The following EFNA5 variants were observed in gnomAD, a reference collection of about 807,000 sequenced individuals.
EFNA5 encodes ephrin-A5.
Under a neutral mutation model 22.9 loss-of-function variants are expected in EFNA5, and 5 were observed. The ratio of observed to expected loss-of-function variants is 0.22; its 90% CI spans 0.11 to 0.46. The LOEUF (loss-of-function observed/expected upper bound fraction) is 0.46. Among genes scored for constraint, EFNA5 ranks in the 20% least tolerant of loss-of-function variants. The pLI is 0.99. For synonymous variants in EFNA5, 113 were observed against 112.2 expected, an observed-to-expected ratio of 1.01 and a Z score of -0.04; for missense variants, 237 against 293.3, an observed-to-expected ratio of 0.81 and a Z score of 1.40.
intron 1 of EFNA5, among the ~76,000 whole-genome samples, chr5:107,569,383 T>TTTTATGTATGTGTATATATATATATA (rs1748727468): frequency 7.2e-6 from 1 of 137,946 alleles, no homozygotes. Flanking sequence ...ATATATATAT[T>TTTTATGTATGTGTATATATATATATA]TTTATGTATA....
chr5:107,482,137 C>T (rs1750483992), intron 1 of EFNA5, among the ~76,000 whole-genome samples: 2 of 151,824 alleles, frequency 1.3e-5, no homozygotes, highest in Non-Finnish European at 2.9e-5. Context: ...TAGGGAAACC[C>T]TTACTAAAAA....
intron 2 of EFNA5, among the ~76,000 whole-genome samples, chr5:107,402,590 G>A (rs1261949630): frequency 6.6e-6 from 1 of 152,172 alleles, no homozygotes; most frequent in African/African-American, 2.4e-5. Flanking sequence ...CTGTTGCCAA[G>A]ATATATGTGC....
At chr5:107,573,712 TAG>T (rs750178959) in intron 1 of EFNA5, among the ~76,000 whole-genome samples, 17 of 152,124 alleles carry the variant, frequency 1.1e-4, no homozygotes, top group Non-Finnish European at 2.2e-4. Context: ...TGCTATGGTT[TAG>T]AGAGTTCAAC....
chr5:107,632,479 C>G (rs1244680594), intron 1 of EFNA5, among the ~76,000 whole-genome samples: 2 of 152,192 alleles, frequency 1.3e-5, no homozygotes, highest in African/African-American at 4.8e-5. Flanking sequence ...AATCCCCCAT[C>G]TTGTCAACTA....
intron 1 of EFNA5, among the ~76,000 whole-genome samples, chr5:107,558,006 T>C (rs931626014): frequency 1.3e-5 from 2 of 152,132 alleles, no homozygotes; most frequent in East Asian, 1.9e-4. Flanking sequence ...GAGGATTAAG[T>C]AATTAAATAT....
At chr5:107,532,296 T>A (rs1747829549) in intron 1 of EFNA5, among the ~76,000 whole-genome samples, 1 of 152,248 alleles carries the variant, frequency 6.6e-6, no homozygotes. Flanking sequence ...GGGAGACATC[T>A]GATAGGTAAA....
In EFNA5 at chr5:107,562,535, T is replaced by C. The variant is rs1056673462; in HGVS notation, c.125+107954A>G. 6.6e-5 allele frequency among the ~76,000 whole-genome samples: 10 copies of C among 152,292 alleles called. No individual in the cohort carries two copies. The South Asian group carries it at 8.3e-4, about 13-fold the overall frequency. Reference sequence around the variant, plus strand: ...TGACTTGAGAATCAAAGTTTGAATATAGTATAATTGGTATGTTCTAGCTTG... The same window carrying C: ...TGACTTGAGAATCAAAGTTTGAATACAGTATAATTGGTATGTTCTAGCTTG... On this transcript the variant is annotated intron_variant, in intron 1 of 4. Transcript: ENST00000333274.
rs1184101755 is a variant in EFNA5 at position 107,378,920 on chromosome 5, T to C, written c.*2335A>G. 1.3e-5 allele frequency: 2 copies of C among 152,182 alleles called. No homozygotes were observed. The highest frequency in any genetic ancestry group is 4.8e-5 in the African/African-American group (2 of 41,440). The allele number at this position is 152,182 out of a possible 1,614,324, so 9.4% of individuals were successfully genotyped here. ...ACATGCTGTATTATTTTGGTTCTAT[T>C]GATCCATTTTAGAAGGTATCTTTCT... On this transcript the variant is annotated 3_prime_UTR_variant, in exon 5 of 5. Coordinates refer to ENST00000333274, the MANE Select transcript of EFNA5 (RefSeq NM_001962.3).
At chr5:107,623,989 A>G (rs1750094846) in intron 1 of EFNA5, among the ~76,000 whole-genome samples, 2 of 152,108 alleles carry the variant, frequency 1.3e-5, no homozygotes, top group Non-Finnish European at 2.9e-5. Context: ...GGAGTCGCCT[A>G]CTTCATCCAA....
At chr5:107,585,262 C>T (rs749998340) in intron 1 of EFNA5, among the ~76,000 whole-genome samples, 78 of 152,292 alleles carry the variant, frequency 5.1e-4, no homozygotes, top group Non-Finnish European at 1.0e-3. Flanking sequence ...TCTAAGTTAA[C>T]TTCTAGAAAA....
chr5:107,532,308 T>A (rs1465449974), intron 1 of EFNA5, among the ~76,000 whole-genome samples: 1 of 152,220 alleles, frequency 6.6e-6, no homozygotes, highest in African/African-American at 2.4e-5. Context: ...ATAGGTAAAG[T>A]CAGTCTGGCC....
intron 1 of EFNA5, among the ~76,000 whole-genome samples, chr5:107,619,987 T>C (rs1449765646): frequency 3.3e-5 from 5 of 152,210 alleles, no homozygotes; most frequent in Non-Finnish European, 7.3e-5. Context: ...CCGAGGGCAC[T>C]AAATGGCTAC....
chr5:107,623,197 G>A (rs1750076069), intron 1 of EFNA5, among the ~76,000 whole-genome samples: 1 of 152,130 alleles, frequency 6.6e-6, no homozygotes, highest in Non-Finnish European at 1.5e-5. Flanking sequence ...CTAATGAGCA[G>A]TGAGATGGTG....
chr5:107,534,599 T>A (rs1747892636), intron 1 of EFNA5, among the ~76,000 whole-genome samples: 1 of 152,230 alleles, frequency 6.6e-6, no homozygotes, highest in Non-Finnish European at 1.5e-5. Flanking sequence ...TGTCTCTAGC[T>A]GTTTGTACAC....
chr5:107,490,382 T>A (rs944847926), intron 1 of EFNA5, among the ~76,000 whole-genome samples: 1 of 152,182 alleles, frequency 6.6e-6, no homozygotes, highest in Admixed American at 6.5e-5. Flanking sequence ...AGGTGCACGT[T>A]ACCATGCCCA....
chr5:107,635,521 C>T (rs1435130201), intron 1 of EFNA5, among the ~76,000 whole-genome samples: 1 of 152,152 alleles, frequency 6.6e-6, no homozygotes, highest in Non-Finnish European at 1.5e-5. Context: ...ATTTTTTCAC[C>T]ACTTTTCAAT....
chr5:107,569,905 T>C (rs945886925), intron 1 of EFNA5, among the ~76,000 whole-genome samples: 4 of 149,574 alleles, frequency 2.7e-5, no homozygotes, highest in Non-Finnish European at 5.9e-5. Flanking sequence ...CAGTGAACTA[T>C]TAAAATTCCA....
At chr5:107,395,415 G>C (rs114465845) in intron 2 of EFNA5, among the ~76,000 whole-genome samples, 1,643 of 152,214 alleles carry the variant, frequency 0.011, 13 homozygotes, top group Middle Eastern at 0.02. Flanking sequence ...CTTCACCTCT[G>C]TCAGTCATGT....
intron 2 of EFNA5, among the ~76,000 whole-genome samples, chr5:107,394,680 T>G (rs1415098990): frequency 6.6e-6 from 1 of 152,158 alleles, no homozygotes; most frequent in Non-Finnish European, 1.5e-5. Flanking sequence ...AAGGCAAAGT[T>G]CTCACTGCTA....
Sources: allele counts gnomAD v4.1 joint callset (sites outside exome capture counted in the v4.1 genomes callset), GRCh38; gene constraint gnomAD v4.1.1; transcripts MANE v1.5; gene names NCBI Gene and HGNC (gene_info 2026-07-23, HGNC 2026-07-21).